The following HOXA3 variants were observed in gnomAD, a reference collection of about 807,000 sequenced individuals.
HOXA3 encodes the protein homeobox protein Hox-A3.
In HOXA3, 8 loss-of-function variants were observed where a neutral mutation model predicts 30.3. The observed-to-expected ratio is 0.26, with a 90% CI of 0.15 to 0.48. HOXA3 has a LOEUF of 0.48. HOXA3 is among the 20% of genes least tolerant of loss of function. The pLI, the probability that HOXA3 is intolerant of heterozygous loss-of-function variation, is 0.99. For synonymous variants in HOXA3, 323 were observed against 273.1 expected (o/e 1.18, Z -1.80); for missense variants, 653 against 614.4 (o/e 1.06, Z -0.66).
rs1445457290 is a variant in HOXA3, at chr7:27,110,316, G to T, written c.325C>A (p.Pro109Thr). 9 of 1,545,256 alleles carry T rather than the reference G, an allele frequency of 5.8e-6. No homozygotes were observed. Among genetic ancestry groups the T allele is most frequent in the Non-Finnish European group, 7.8e-6 (9 of 1,147,756 alleles). ...PPAPQPPQPA[P>T]QPPAPTPAAP... ...GCAGGGGTAGGTGCAGGGGGCTGAGGTGCGGGCTGAGGCGGCTGTGGGGCA... is the reference window on the plus strand; with the variant it reads ...GCAGGGGTAGGTGCAGGGGGCTGAGTTGCGGGCTGAGGCGGCTGTGGGGCA... Residue 109 changes from proline (P) to threonine (T), a missense_variant, in exon 5 of 6, where the codon CCT (proline) becomes ACT (threonine). Pro to Thr is a conservative substitution (Grantham distance 38). Transcript: ENST00000612286.
intron 2 of HOXA3, chr7:27,128,663 A>C: frequency 1.2e-5 from 2 of 166,546 alleles, no homozygotes; most frequent in South Asian, 1.5e-4. Flanking sequence ...GTATCTCTGT[A>C]ACAGTGTCTT....
intron 1 of HOXA3, among the ~76,000 whole-genome samples, chr7:27,149,406 T>C (rs977405441): frequency 6.6e-6 from 1 of 152,184 alleles, no homozygotes; most frequent in African/African-American, 2.4e-5. Flanking sequence ...GAGGTGGCAA[T>C]TGGCAGTGTT....
chr7:27,142,817 G>A, intron 1 of HOXA3: 1 of 490,014 alleles, frequency 2.0e-6, no homozygotes, highest in Non-Finnish European at 3.5e-6. Context: ...CCCTTCCAAC[G>A]TCTAAACTGT....
Position 27,108,762 on chromosome 7 carries a change from G to C in HOXA3, c.527-42C>G. 1 of 1,482,660 alleles carries C rather than the reference G, an allele frequency of 6.7e-7. No individual in the cohort carries two copies. Among genetic ancestry groups the C allele is most frequent in the Non-Finnish European group, 9.1e-7 (1 of 1,101,892 alleles). 91.8% of individuals were successfully genotyped at this position (1,482,660 alleles called of 1,614,324 possible). On this transcript the variant is annotated intron_variant, in intron 5 of 5. Transcript: ENST00000612286. The surrounding 1 kb of genome is among the most constrained non-coding windows in gnomAD (Gnocchi z 5.0). ...AGGAAGAGCGGCGTCAGGGGCTGCC[G>C]CGGCCCCGCCCAGCCCCTGACCCAG...
chr7:27,127,234 C>T (rs1415388705), intron 2 of HOXA3, among the ~76,000 whole-genome samples, 164 bp from the exon 3 acceptor site: 2 of 152,162 alleles, frequency 1.3e-5, no homozygotes, highest in African/African-American at 4.8e-5. Flanking sequence ...CCCTGGCACC[C>T]GTTCACACCT....
chr7:27,147,637 A>C (rs767355550), intron 1 of HOXA3: 2 of 1,614,180 alleles, frequency 1.2e-6, no homozygotes, highest in Non-Finnish European at 1.7e-6. Context: ...CGAGGCCGGG[A>C]AGGGCCTCAG....
rs758689645 is a variant in HOXA3, at chr7:27,108,484, T to G, written c.763A>C (p.Met255Leu). ...GACTGGCCCCCCGATGACGTTAGCA[T>G]GCCCTTGCCCTTCTGATCCTTTTTG... Reference protein sequence around the residue: ...KYKKDQKGKGMLTSSGGQSPS... With the variant: ...KYKKDQKGKGLLTSSGGQSPS... The change falls in exon 6 of 6, where the codon ATG becomes CTG. Residue 255 changes from methionine to leucine, a missense_variant. Transcript: ENST00000612286. This position sits in a 1 kb window ranked among gnomAD's most constrained non-coding sequence, Gnocchi z 5.0. 11 of 1,614,026 alleles carry G rather than the reference T, an allele frequency of 6.8e-6. No homozygotes were observed. Among genetic ancestry groups the G allele is most frequent in the Non-Finnish European group, 8.5e-7 (1 of 1,179,994 alleles).
intron 1 of HOXA3, chr7:27,142,903 G>A: frequency 1.4e-6 from 1 of 738,374 alleles, no homozygotes; most frequent in Admixed American, 2.8e-5. Context: ...GAGGAAGGCA[G>A]GGGAGGGAGA....
At chr7:27,150,779 A>C (rs11762730) in intron 1 of HOXA3, 117,654 of 152,494 alleles carry the variant, frequency 0.77, 46,390 homozygotes, top group Middle Eastern at 0.86. Flanking sequence ...CGAGTCTATA[A>C]CGGCGTCCAG....
intron 3 of HOXA3, among the ~76,000 whole-genome samples, chr7:27,124,952 C>T (rs1205851177): frequency 6.6e-6 from 1 of 152,106 alleles, no homozygotes; most frequent in Non-Finnish European, 1.5e-5. Flanking sequence ...GACATCTGTC[C>T]CCTCCTGAGC....
intron 2 of HOXA3, chr7:27,130,188 C>G: frequency 1.3e-6 from 2 of 1,585,184 alleles, no homozygotes; most frequent in African/African-American, 1.4e-5. Context: ...CCAGCGGGCT[C>G]TTGTCGGCCA....
intron 4 of HOXA3, among the ~76,000 whole-genome samples, chr7:27,117,840 T>C (rs957839409): frequency 6.8e-6 from 1 of 146,940 alleles, no homozygotes. Context: ...TCTTTCCGCC[T>C]GGGGATCAGC....
At chr7:27,124,142 G>T (rs1372544213) in intron 3 of HOXA3, 3 of 152,144 alleles carry the variant, frequency 2.0e-5, no homozygotes, top group Non-Finnish European at 4.4e-5. Context: ...CCCATAAATC[G>T]TTCAGACTAA....
In HOXA3 at chr7:27,110,377, C is replaced by A. The variant is rs1016599935; in HGVS notation, c.264G>T (p.Pro88=). ...CCTGGGGCGGCGGCGGGTGCAGGGG[C>A]GGCTCTCCCAGGCTTGGAGGCTGGC... The part of the protein sequence containing the change: ...PPSQPPSLGE[P]PLHPPPPQAA... Residue 88 remains proline, a synonymous_variant, in exon 5 of 6, where the codon CCG becomes CCT. Coordinates refer to ENST00000612286, the MANE Select transcript of HOXA3 (RefSeq NM_153631.3). The A allele has an allele frequency of 1.3e-6, 2 of 1,516,752 alleles. No individual in the cohort carries two copies. The highest frequency in any genetic ancestry group is 1.8e-6 in the Non-Finnish European group (2 of 1,136,524). 94.0% of individuals were successfully genotyped at this position (1,516,752 alleles called of 1,614,324 possible).
intron 2 of HOXA3, among the ~76,000 whole-genome samples, chr7:27,137,794 T>C (rs1354451840): frequency 1.3e-5 from 2 of 152,244 alleles, no homozygotes; most frequent in African/African-American, 4.8e-5. Flanking sequence ...GTAATTTTTC[T>C]CATTCCTTGG....
intron 4 of HOXA3, chr7:27,121,315 G>A (rs906106408): frequency 6.7e-6 from 1 of 148,518 alleles, no homozygotes; most frequent in African/African-American, 2.6e-5. Context: ...AAGTGCAGTA[G>A]AGAAATGGGC....
rs902742812 is a variant in HOXA3 at position 27,107,353 on chromosome 7, A to G, written c.*562T>C. On this transcript the variant is annotated 3_prime_UTR_variant, in exon 6 of 6. Transcript: ENST00000612286. ...TGGGGATAAATAATATTTAAAACTT[A>G]GATTATTCAATGCTTGCAAAAAAAT... 2 of 152,180 alleles carry G rather than the reference A, an allele frequency of 1.3e-5. No homozygotes were observed. The highest frequency in any genetic ancestry group is 4.8e-5 in the African/African-American group (2 of 41,426). 9.4% of individuals were successfully genotyped at this position (152,180 alleles called of 1,614,324 possible).
In HOXA3 at chr7:27,113,965, C is replaced by CTCTG. The variant is rs993024922; in HGVS notation, c.-120-3209_-120-3206dup. On this transcript the variant is annotated intron_variant, in intron 4 of 5. Transcript: ENST00000612286. This position sits in a 1 kb window ranked among gnomAD's most constrained non-coding sequence, Gnocchi z 4.8. ...AGATAAGCGCTAGTGCGGCGCCGGG[C>CTCTG]TCTGCCTGGGCTAGTGGCACCGACT... The CTCTG allele has an allele frequency of 6.6e-6, 1 of 150,964 alleles. No individual in the cohort carries two copies. Among genetic ancestry groups the CTCTG allele is most frequent in the African/African-American group, 2.4e-5 (1 of 41,116 alleles). The allele number at this position is 150,964 out of a possible 1,614,324, so 9.4% of individuals were successfully genotyped here. A position where few individuals can be genotyped will look rare whatever the true frequency, so the allele number is the denominator to read the frequency against.
At chr7:27,147,267 T>A (rs1214552476) in intron 1 of HOXA3, 1 of 1,538,790 alleles carries the variant, frequency 6.5e-7, no homozygotes, top group South Asian at 1.2e-5. Context: ...TTTTCCTGCC[T>A]CCTTTCCCCT....
Sources: allele counts gnomAD v4.1 joint callset (sites outside exome capture counted in the v4.1 genomes callset), GRCh38; gene constraint gnomAD v4.1.1; non-coding constraint Gnocchi (gnomAD v3.1); transcripts MANE v1.5; gene names NCBI Gene and HGNC (gene_info 2026-07-23, HGNC 2026-07-21).